BLTP1: variants seen among roughly 807,000 people sequenced by gnomAD.
BLTP1 encodes the protein fragile site-associated protein.
At chr4:122,313,867 A>G in the BLTP1 span, 1 of 169,620 alleles carries the variant, frequency 5.9e-6, no homozygotes, top group South Asian at 1.9e-4. Flanking sequence ...GTGTTTATAT[A>G]TATATATATA....
chr4:122,361,796 A>T, the BLTP1 span, among the ~76,000 whole-genome samples: 1 of 152,200 alleles, frequency 6.6e-6, no homozygotes, highest in Non-Finnish European at 1.5e-5. Flanking sequence ...GAAATATAGT[A>T]AACACTATTG....
chr4:122,172,961 A>G, the BLTP1 span: 1 of 1,579,112 alleles, frequency 6.3e-7, no homozygotes, highest in South Asian at 1.2e-5. Flanking sequence ...TAAAATTCCA[A>G]GTATTAAATT....
the BLTP1 span, chr4:122,312,978 T>G: frequency 8.3e-6 from 5 of 601,374 alleles, no homozygotes; most frequent in Non-Finnish European, 8.3e-6. Context: ...TTGTTTCAAC[T>G]TTTACTATGT....
chr4:122,298,160 T>A, the BLTP1 span: 1 of 733,552 alleles, frequency 1.4e-6, no homozygotes, highest in Non-Finnish European at 1.7e-6. Context: ...TTCTTATTAC[T>A]TAGATAAAAT....
At chr4:122,328,478 C>G in the BLTP1 span, 7 of 831,598 alleles carry the variant, frequency 8.4e-6, no homozygotes, top group Non-Finnish European at 1.0e-5. Flanking sequence ...TTGAGTGAGA[C>G]TAACAGACTC....
chr4:122,322,600 T>G, the BLTP1 span, among the ~76,000 whole-genome samples: 2 of 152,270 alleles, frequency 1.3e-5, no homozygotes, highest in East Asian at 3.9e-4. Context: ...CAGACATGAT[T>G]TACCAAGTAA....
the BLTP1 span, chr4:122,229,039 G>T: frequency 8.4e-7 from 1 of 1,187,122 alleles, no homozygotes. Flanking sequence ...GATTTTTTGT[G>T]TTTATTTAAA....
the BLTP1 span, chr4:122,353,221 T>C: frequency 6.4e-7 from 1 of 1,565,348 alleles, no homozygotes; most frequent in African/African-American, 1.4e-5. This position sits in a 1 kb window ranked among gnomAD's most constrained non-coding sequence, Gnocchi z 4.3. Flanking sequence ...ATGACAATTG[T>C]ATTTCTGAAG....
chr4:122,284,974 C>T, the BLTP1 span, among the ~76,000 whole-genome samples: 2 of 152,122 alleles, frequency 1.3e-5, no homozygotes, highest in African/African-American at 4.8e-5. Flanking sequence ...AGTAATTTTG[C>T]TGAACATTTA....
At chr4:122,274,701 A>G in the BLTP1 span, 1 of 896,780 alleles carries the variant, frequency 1.1e-6, no homozygotes, top group Non-Finnish European at 1.3e-6. Context: ...TTGATAATTT[A>G]GGTCAGATTT....
chr4:122,281,051 A>G, the BLTP1 span, among the ~76,000 whole-genome samples: 1 of 152,308 alleles, frequency 6.6e-6, no homozygotes, highest in East Asian at 1.9e-4. Context: ...TCATTTTGCA[A>G]CGTGGAGACA....
the BLTP1 span, chr4:122,154,087 G>A: frequency 1.0e-5 from 10 of 980,130 alleles, no homozygotes; most frequent in African/African-American, 1.3e-4. Flanking sequence ...AAAACAGAAC[G>A]TTGCAAACTC....
the BLTP1 span, among the ~76,000 whole-genome samples, chr4:122,265,738 G>T: frequency 3.3e-5 from 5 of 152,170 alleles, no homozygotes; most frequent in Admixed American, 2.0e-4. Flanking sequence ...TTGATCTATA[G>T]CCCAGGCTGG....
the BLTP1 span, chr4:122,215,596 T>C: frequency 1.0e-6 from 1 of 983,958 alleles, no homozygotes; most frequent in African/African-American, 1.7e-5. Flanking sequence ...CTGCAAACTT[T>C]GTGAACAGTC....
chr4:122,200,708 A>G, the BLTP1 span: 3 of 983,572 alleles, frequency 3.1e-6, no homozygotes, highest in Non-Finnish European at 2.4e-6. Context: ...TTAAGGAGAA[A>G]TTAGGGATGT....
the BLTP1 span, among the ~76,000 whole-genome samples, chr4:122,306,204 C>T: frequency 2.6e-5 from 4 of 151,984 alleles, no homozygotes; most frequent in Non-Finnish European, 5.9e-5. Flanking sequence ...TTTTTGCCTT[C>T]AGTTTTTAAA....
chr4:122,223,067 G>A, the BLTP1 span: 3 of 825,592 alleles, frequency 3.6e-6, no homozygotes, highest in Middle Eastern at 1.2e-3. Flanking sequence ...AGTTCCCTCA[G>A]TAAAAAAGGT....
the BLTP1 span, chr4:122,287,544 A>C: frequency 1.0e-6 from 1 of 984,924 alleles, no homozygotes; most frequent in Non-Finnish European, 1.2e-6. Flanking sequence ...GCTGTGTCTC[A>C]GCTTACCTTG....
chr4:122,163,912 A>G, the BLTP1 span, among the ~76,000 whole-genome samples: 1 of 152,024 alleles, frequency 6.6e-6, no homozygotes, highest in Admixed American at 6.6e-5. Context: ...CCTTTCCCCT[A>G]ATCTCTTTTG....
Sources: allele counts gnomAD v4.1 joint callset (sites outside exome capture counted in the v4.1 genomes callset), GRCh38; gene constraint gnomAD v4.1.1; non-coding constraint Gnocchi (gnomAD v3.1); transcripts MANE v1.5; gene names NCBI Gene and HGNC (gene_info 2026-07-23, HGNC 2026-07-21).